The following DOCK6 variants were observed in gnomAD, a reference collection of about 807,000 sequenced individuals.
DOCK6 encodes dedicator of cytokinesis protein 6.
A neutral mutation model predicts 230.3 loss-of-function variants in DOCK6; 167 were observed. The observed-to-expected ratio is 0.73, with a 90% confidence interval of 0.64 to 0.82. The LOEUF is 0.82. DOCK6 is among the 40% of genes least tolerant of loss of function. The probability of loss-of-function intolerance (pLI) is 0.00; values close to 1 mark genes in which losing one functional copy is unlikely to be tolerated. For synonymous variants in DOCK6, 1,148 were observed against 1,185.0 expected (o/e 0.97, Z 0.64); for missense variants, 2,598 against 2,825.8 (o/e 0.92, Z 1.83).
chr19:11,242,170 A>G lies in DOCK6; in HGVS notation c.1518T>C (p.Asn506=). ...LKIDISPAPE[N]PHFCLSPELL... ...GCTCAGGGGAGAGGCAGAAGTGGGG[A>G]TTTTCAGGAGCCGGAGAAATGTCGA... The change falls in exon 14 of 48, where the codon AAT becomes AAC. Residue 506 remains asparagine (N), a synonymous_variant. Transcript: ENST00000294618. 6.9e-7 allele frequency: 1 copy of G among 1,459,354 alleles called. No homozygotes were observed. Among genetic ancestry groups the G allele is most frequent in the Non-Finnish European group, 9.0e-7 (1 of 1,106,596 alleles). 90.4% of individuals were successfully genotyped at this position (1,459,354 alleles called of 1,614,324 possible).
rs756092278 is a variant in DOCK6, at chr19:11,252,938, G to A, written c.153C>T (p.Val51=). Residue 51 remains valine (V), a synonymous_variant, in exon 3 of 48, where the codon GTC becomes GTT. Transcript: ENST00000294618. ...SSLGVPLTEV[V]EPLDFEDVLL... ...GTACATCCTCAAAGTCCAGGGGCTC[G>A]ACAACTTCAGTCAGTGGGACCTGGA... is the stretch of plus-strand genomic sequence containing the variant. 5.6e-6 allele frequency: 9 copies of A among 1,608,728 alleles called. No individual in the cohort carries two copies. Among genetic ancestry groups the A allele is most frequent in the Admixed American group, 5.1e-5 (3 of 58,964 alleles).
At position 11,236,394 on chromosome 19, in the gene DOCK6, T is replaced by C. The variant is rs2079848120; in HGVS notation, c.2344A>G (p.Lys782Glu). The C allele has an allele frequency of 6.3e-7, 1 of 1,585,298 alleles. No individual in the cohort carries two copies. Among genetic ancestry groups the C allele is most frequent in the African/African-American group, 1.3e-5 (1 of 74,318 alleles). Residue 782 changes from lysine to glutamate, a missense_variant, in exon 20 of 48, where the codon AAG becomes GAG. By Grantham distance (56) the Lys-to-Glu change is moderately conservative. Transcript: ENST00000294618. The surrounding 1 kb of genome is among the most constrained non-coding windows in gnomAD (Gnocchi z 5.2). Reference protein sequence around the residue: ...LVAFSHHVLDKLVRLVIRPPI... With the variant: ...LVAFSHHVLDELVRLVIRPPI... ...GGCCTGATGACCAGACGCACGAGCT[T>C]GTCCAGCACGTGGTGGGAGAAGGCC...
chr19:11,205,733 C>CA (rs2079248209), intron 39 of DOCK6: 1 of 151,934 alleles, frequency 6.6e-6, no homozygotes, highest in Admixed American at 6.6e-5. Context: ...CCTCGGCCTC[C>CA]AAAGTGCTGG....
intron 28 of DOCK6, among the ~76,000 whole-genome samples, chr19:11,219,809 T>C (rs1017934356): frequency 6.6e-6 from 1 of 151,138 alleles, no homozygotes; most frequent in African/African-American, 2.4e-5. Context: ...AAAAATTTAC[T>C]CTTAATCATC....
Position 11,232,078 on chromosome 19 carries a change from A to C in DOCK6, c.2718+1125T>G, listed in dbSNP as rs2079773516. ...AACAAAGGCAGGAGAGGGGTCTGCC[A>C]CCTCCTTCAGGCAGCCCCCCTAGGT... is the stretch of plus-strand genomic sequence containing the variant. On this transcript the variant is annotated intron_variant, in intron 22 of 47. Transcript: ENST00000294618. 6 of 750,098 alleles carry C rather than the reference A, an allele frequency of 8.0e-6. No homozygotes were observed. The Admixed American group carries it at 2.0e-4, about 25-fold the overall frequency. 46.5% of individuals were successfully genotyped at this position (750,098 alleles called of 1,614,324 possible).
intron 9 of DOCK6, among the ~76,000 whole-genome samples, chr19:11,244,157 T>G (rs2079995873): frequency 6.6e-6 from 1 of 152,158 alleles, no homozygotes. Flanking sequence ...CTTATTTATT[T>G]ACATTTATGT....
chr19:11,248,617 C>T lies in DOCK6; in HGVS notation c.721-466G>A, dbSNP rs932873820. On this transcript the variant is annotated intron_variant, in intron 6 of 47. Transcript: ENST00000294618. Reference sequence around the variant, plus strand: ...CTGAGGCCTGGGCAGGCACCTCTTTCGGGTGCCCACAATGTCCTGGTGTAA... The same window carrying T: ...CTGAGGCCTGGGCAGGCACCTCTTTTGGGTGCCCACAATGTCCTGGTGTAA... Among the ~76,000 whole-genome samples the T allele has an allele frequency of 1.1e-4, 17 of 152,208 alleles. No individual in the cohort carries two copies. The East Asian group carries it at 3.1e-3, about 28-fold the overall frequency.
intron 6 of DOCK6, among the ~76,000 whole-genome samples, chr19:11,249,283 C>G (rs1247197888): frequency 1.3e-5 from 2 of 150,432 alleles, no homozygotes; most frequent in Non-Finnish European, 3.0e-5. Flanking sequence ...GAGGCTGAGG[C>G]GGGCAGATCA....
Position 11,242,172 on chromosome 19 carries a change from T to C in DOCK6, c.1516A>G (p.Asn506Asp). The change falls in exon 14 of 48, where the codon AAT (asparagine) becomes GAT (aspartate). Residue 506 changes from asparagine (N) to aspartate (D), a missense_variant. Coordinates refer to ENST00000294618, the MANE Select transcript of DOCK6 (RefSeq NM_020812.4). ...LKIDISPAPE[N>D]PHFCLSPELL... ...TCAGGGGAGAGGCAGAAGTGGGGAT[T>C]TTCAGGAGCCGGAGAAATGTCGATC... 6.8e-7 allele frequency: 1 copy of C among 1,461,918 alleles called. No individual in the cohort carries two copies. The highest frequency in any genetic ancestry group is 9.0e-7 in the Non-Finnish European group (1 of 1,107,924). The allele number at this position is 1,461,918 out of a possible 1,614,324, so 90.6% of individuals were successfully genotyped here.
intron 7 of DOCK6, among the ~76,000 whole-genome samples, chr19:11,246,118 G>A (rs1325232573): frequency 1.3e-5 from 2 of 151,550 alleles, no homozygotes. Flanking sequence ...CCAGGCTGGA[G>A]TGGAGTGGTG....
intron 30 of DOCK6, 89 bp downstream of exon 30, chr19:11,216,825 A>G (rs1600876917): frequency 8.2e-6 from 11 of 1,346,062 alleles, no homozygotes; most frequent in African/African-American, 1.4e-5. Flanking sequence ...AAGACAGTCC[A>G]CCCCTTCCCA....
chr19:11,216,704 C>T (rs372826128), intron 30 of DOCK6: 47 of 582,764 alleles, frequency 8.1e-5, no homozygotes, highest in African/African-American at 1.7e-4. Context: ...CCACTGCACC[C>T]GGCCTCCACC....
In DOCK6 at chr19:11,201,209, G is replaced by C. The variant is rs79846490; in HGVS notation, c.5689-157C>G. The stretch of plus-strand genomic sequence containing the variant: ...GGCCTTCCTGGGTCTGACTCTGGGG[G>C]GGTCCAGCCTTGGGTCTGCTGGGTC... On this transcript the variant is annotated intron_variant, in intron 44 of 47. Transcript: ENST00000294618. The surrounding 1 kb of genome is among the most constrained non-coding windows in gnomAD (Gnocchi z 4.3). Among the ~76,000 whole-genome samples, 5,306 of 152,136 alleles carry C rather than the reference G, an allele frequency of 0.035. 134 individuals carry two copies. The highest frequency in any genetic ancestry group is 0.057 in the Non-Finnish European group (3,850 of 67,950).
chr19:11,238,415 T>C, intron 14 of DOCK6, 111 bp from the exon 15 acceptor site: 1 of 1,001,162 alleles, frequency 1.0e-6, no homozygotes, highest in South Asian at 1.5e-5. Flanking sequence ...CCAGGAAGAG[T>C]AGGTCATGAG....
chr19:11,204,300 T>G lies in DOCK6; in HGVS notation c.5120A>C (p.Tyr1707Ser). 1.2e-6 allele frequency: 2 copies of G among 1,610,838 alleles called. No individual in the cohort carries two copies. Among genetic ancestry groups the G allele is most frequent in the Non-Finnish European group, 1.7e-6 (2 of 1,178,638 alleles). Residue 1707 changes from tyrosine (Y) to serine (S), a missense_variant, in exon 40 of 48, where the codon TAC becomes TCC. Transcript: ENST00000294618. ...TTCCAGGATGGGGATGAGGTTCTTG[T>G]AGACCTCATTCACCGCCTCGTAGAG... ...GGLYEAVNEVYKNLIPILEAH... is the reference protein window; with the variant it reads ...GGLYEAVNEVSKNLIPILEAH...
rs947577638 is a variant in DOCK6, at chr19:11,211,799, C to A, written c.4728G>T (p.Glu1576Asp). The change falls in exon 37 of 48, where the codon GAG becomes GAT. Residue 1576 changes from glutamate to aspartate, a missense_variant. By Grantham distance (45) the Glu-to-Asp change is conservative. Coordinates refer to ENST00000294618, the MANE Select transcript of DOCK6 (RefSeq NM_020812.4). ...VKMKEHQEDP[E>D]MLIDLMYRIA... ...ACCTGTACATGAGGTCGATGAGCAT[C>A]TCAGGGTCCTCCTGGTGTTCCTTCA... The A allele has an allele frequency of 5.8e-6, 9 of 1,551,884 alleles. No homozygotes were observed. Among genetic ancestry groups the A allele is most frequent in the Non-Finnish European group, 5.2e-6 (6 of 1,147,058 alleles).
rs116597767 is a variant in DOCK6, at chr19:11,211,908, G to A, written c.4651-32C>T. On this transcript the variant is annotated intron_variant, in intron 36 of 47. Transcript: ENST00000294618. The stretch of plus-strand genomic sequence containing the variant: ...CCGGGGAACGTCCAGGGGCCAATGA[G>A]AGCATTAGGAAGTGAAGGGAGCCAA... The A allele has an allele frequency of 1.9e-3, 3,001 of 1,554,666 alleles. 38 individuals carry two copies. The African/African-American group carries it at 0.036, about 19-fold the overall frequency.
At chr19:11,257,744 G>A (rs2080220823) in intron 1 of DOCK6, among the ~76,000 whole-genome samples, 2 of 151,700 alleles carry the variant, frequency 1.3e-5, no homozygotes, top group South Asian at 4.2e-4. Context: ...AGCCGAGATT[G>A]CGCCACTGTA....
At chr19:11,211,430 C>T (rs575921138) in intron 37 of DOCK6, among the ~76,000 whole-genome samples, 79 of 151,532 alleles carry the variant, frequency 5.2e-4, no homozygotes, top group African/African-American at 1.8e-3. Flanking sequence ...CTGTCATCCT[C>T]ATCAGTACAT....
Sources: allele counts gnomAD v4.1 joint callset (sites outside exome capture counted in the v4.1 genomes callset), GRCh38; gene constraint gnomAD v4.1.1; non-coding constraint Gnocchi (gnomAD v3.1); transcripts MANE v1.5; gene names NCBI Gene and HGNC (gene_info 2026-07-23, HGNC 2026-07-21).